The following AGBL1 variants were observed in gnomAD, a reference collection of about 807,000 sequenced individuals.
The protein encoded by AGBL1 is cytosolic carboxypeptidase 4.
AGBL1 carries 130 observed loss-of-function variants against 118.9 expected under a neutral mutation model. The ratio of observed to expected loss-of-function variants is 1.09; its 90% confidence interval spans 0.95 to 1.26. The LOEUF (loss-of-function observed/expected upper bound fraction) is 1.26. Among genes scored for constraint, AGBL1 ranks in the 50% most tolerant of loss-of-function variants. The pLI, the probability that AGBL1 is intolerant of heterozygous loss-of-function variation, is 0.00. For missense variants in AGBL1, 1,584 were observed against 1,298.1 expected (o/e 1.22, Z -3.38); for synonymous variants, 555 against 478.9 (o/e 1.16, Z -2.08).
intron 22 of AGBL1, among the ~76,000 whole-genome samples, chr15:86,818,376 T>A (rs2141382187): frequency 6.6e-6 from 1 of 152,274 alleles, no homozygotes; most frequent in South Asian, 2.1e-4. Flanking sequence ...AGCATTAGAT[T>A]CTCATAGGAG....
chr15:86,829,903 A>T (rs779944525), intron 22 of AGBL1, among the ~76,000 whole-genome samples: 1 of 152,114 alleles, frequency 6.6e-6, no homozygotes, highest in Non-Finnish European at 1.5e-5. Context: ...TGGCCTAAGG[A>T]TTAAACGCCC....
chr15:86,548,918 T>C (rs1170423574), intron 20 of AGBL1, among the ~76,000 whole-genome samples: 2 of 151,940 alleles, frequency 1.3e-5, no homozygotes, highest in East Asian at 3.9e-4. Flanking sequence ...CCAATCGTGG[T>C]AGAAGGTGAA....
intron 24 of AGBL1, among the ~76,000 whole-genome samples, chr15:86,996,392 C>T (rs2081380601): frequency 1.3e-5 from 2 of 152,166 alleles, no homozygotes; most frequent in Admixed American, 6.5e-5. Context: ...CTGTTTTGCA[C>T]TTTATGTAAG....
At chr15:86,938,847 G>A (rs1357719426) in intron 23 of AGBL1, 1 of 152,134 alleles carries the variant, frequency 6.6e-6, no homozygotes, top group Non-Finnish European at 1.5e-5. Flanking sequence ...CACCGCCTGG[G>A]TTTTCTTTTT....
intron 5 of AGBL1, among the ~76,000 whole-genome samples, chr15:86,195,875 C>T (rs2077793570): frequency 6.6e-6 from 1 of 152,040 alleles, no homozygotes; most frequent in Admixed American, 6.6e-5. Context: ...GTCATTTGCC[C>T]ATATTTCTAA....
At chr15:86,809,413 A>G (rs1435094340) in intron 22 of AGBL1, among the ~76,000 whole-genome samples, 5 of 152,106 alleles carry the variant, frequency 3.3e-5, no homozygotes, top group Non-Finnish European at 5.9e-5. Flanking sequence ...CCTCTCACAT[A>G]TATATATGCT....
At chr15:86,359,376 G>C (rs1422126689) in intron 17 of AGBL1, among the ~76,000 whole-genome samples, 1 of 111,802 alleles carries the variant, frequency 8.9e-6, no homozygotes, top group Non-Finnish European at 1.9e-5. Flanking sequence ...CTATTTATCA[G>C]TATTGGTTTT....
At chr15:86,541,831 C>A (rs997933867) in intron 19 of AGBL1, among the ~76,000 whole-genome samples, 2 of 152,090 alleles carry the variant, frequency 1.3e-5, no homozygotes, top group African/African-American at 4.8e-5. Context: ...GCCTCCTGAT[C>A]TCCTAACTAG....
At chr15:86,734,692 G>C (rs766689231) in intron 22 of AGBL1, among the ~76,000 whole-genome samples, 11 of 152,246 alleles carry the variant, frequency 7.2e-5, no homozygotes, top group South Asian at 2.1e-4. Context: ...GTGACATCAG[G>C]AAAAATGAGG....
At chr15:86,650,589 A>G (rs1158717145) in intron 21 of AGBL1, among the ~76,000 whole-genome samples, 1 of 152,178 alleles carries the variant, frequency 6.6e-6, no homozygotes, top group Non-Finnish European at 1.5e-5. Flanking sequence ...TTCAGTCCAC[A>G]TGAGACTCTC....
intron 22 of AGBL1, among the ~76,000 whole-genome samples, chr15:86,884,901 G>A (rs922297504): frequency 5.3e-5 from 8 of 152,092 alleles, no homozygotes; most frequent in East Asian, 1.9e-4. Flanking sequence ...GCGAGCTCTC[G>A]GATACGGAAG....
intron 22 of AGBL1, among the ~76,000 whole-genome samples, chr15:86,729,133 G>A (rs1406750457): frequency 3.3e-5 from 5 of 152,274 alleles, no homozygotes; most frequent in Admixed American, 2.0e-4. Context: ...TGGGAATTGA[G>A]CTCTCTGTCT....
intron 24 of AGBL1, among the ~76,000 whole-genome samples, chr15:86,996,450 G>A (rs374210126): frequency 6.6e-6 from 1 of 152,112 alleles, no homozygotes; most frequent in African/African-American, 2.4e-5. Flanking sequence ...TTTAATCTGT[G>A]TTTGGAGATT....
At chr15:87,025,718 G>A (rs1295590169) in intron 24 of AGBL1, among the ~76,000 whole-genome samples, 1 of 151,836 alleles carries the variant, frequency 6.6e-6, no homozygotes, top group Non-Finnish European at 1.5e-5. Flanking sequence ...TAAGCAAAAA[G>A]AACAAACCTG....
intron 5 of AGBL1, among the ~76,000 whole-genome samples, chr15:86,182,961 C>T (rs1320088788): frequency 6.6e-6 from 1 of 152,168 alleles, no homozygotes; most frequent in African/African-American, 2.4e-5. Context: ...TAATATGATG[C>T]TCCCCATTAT....
At chr15:86,346,081 C>G (rs2080532296) in intron 17 of AGBL1, among the ~76,000 whole-genome samples, 1 of 151,054 alleles carries the variant, frequency 6.6e-6, no homozygotes, top group African/African-American at 2.4e-5. Flanking sequence ...CTCCTGGATT[C>G]AAATGATTCT....
At chr15:86,156,696 A>G (rs1050340714) in intron 4 of AGBL1, among the ~76,000 whole-genome samples, 10 of 152,214 alleles carry the variant, frequency 6.6e-5, no homozygotes, top group African/African-American at 2.4e-4. Flanking sequence ...GAATGAGTAC[A>G]GATATGGGGA....
chr15:86,452,747 C>G (rs868712232), intron 18 of AGBL1, among the ~76,000 whole-genome samples: 4 of 152,280 alleles, frequency 2.6e-5, no homozygotes, highest in South Asian at 2.1e-4. Context: ...CTTCTGCCCT[C>G]ATCTCCTCAC....
chr15:86,401,765 T>C (rs1392113953), intron 18 of AGBL1, among the ~76,000 whole-genome samples: 3 of 152,106 alleles, frequency 2.0e-5, no homozygotes, highest in African/African-American at 7.2e-5. Flanking sequence ...CTGTTAAGTA[T>C]TGGCTTTATT....
Sources: gnomAD v4.1 joint callset for allele counts (sites outside exome capture counted in the v4.1 genomes callset) on GRCh38, gnomAD v4.1.1 for gene constraint, MANE v1.5 for transcripts, NCBI Gene and HGNC (gene_info 2026-07-23, HGNC 2026-07-21) for gene names.